Variants in PRR19 observed in about 807,000 individuals in gnomAD.
PRR19 encodes proline rich 19, also known as proline-rich protein 19.
In PRR19, 9 loss-of-function variants were observed where a neutral mutation model predicts 19.2. The ratio of observed to expected loss-of-function variants is 0.47; its 90% confidence interval spans 0.28 to 0.82. PRR19 has a LOEUF of 0.82. PRR19 is among the 40% of genes least tolerant of loss of function. The probability of loss-of-function intolerance (pLI) is 0.11; values close to 1 mark genes in which losing one functional copy is unlikely to be tolerated. For synonymous variants in PRR19, 190 were observed against 191.0 expected, an observed-to-expected ratio of 0.99 and a Z score of 0.04; for missense variants, 457 against 466.0, an observed-to-expected ratio of 0.98 and a Z score of 0.18.
chr19:42,306,910 C>G (rs1386521473), intron 1 of PRR19: 2 of 152,234 alleles, frequency 1.3e-5, no homozygotes, highest in Non-Finnish European at 2.9e-5. Context: ...CTCAGAGCCA[C>G]GAAGCCAAAG....
Position 42,310,658 on chromosome 19 carries a change from C to A in PRR19, c.989C>A (p.Pro330His), listed in dbSNP as rs757757804. 1.2e-6 allele frequency: 2 copies of A among 1,611,310 alleles called. No homozygotes were observed. The highest frequency in any genetic ancestry group is 8.5e-7 in the Non-Finnish European group (1 of 1,178,572). ...TSVLDWSPSP[P>H]SPLPSLSWVV... The stretch of plus-strand genomic sequence containing the variant: ...GTCCTGGACTGGAGCCCCAGCCCCC[C>A]TTCCCCACTGCCCAGCCTCTCCTGG... The change falls in exon 3 of 3, where the codon CCT becomes CAT. Residue 330 changes from proline to histidine, a missense_variant. Coordinates refer to ENST00000341747, the MANE Select transcript of PRR19 (RefSeq NM_199285.3).
intron 1 of PRR19, among the ~76,000 whole-genome samples, chr19:42,307,332 T>C (rs967086918): frequency 3.3e-5 from 5 of 152,134 alleles, no homozygotes; most frequent in African/African-American, 1.2e-4. Context: ...CATTCCCCTG[T>C]ACCTCGTCTA....
intron 1 of PRR19, among the ~76,000 whole-genome samples, chr19:42,307,718 AGCCACT>A (rs1371689215): frequency 7.4e-6 from 1 of 135,014 alleles, no homozygotes; most frequent in Non-Finnish European, 1.6e-5. Flanking sequence ...TACAGGCGTG[AGCCACT>A]GCGCCTGGCC....
chr19:42,304,618 C>T (rs575020836), intron 1 of PRR19, among the ~76,000 whole-genome samples: 1 of 150,818 alleles, frequency 6.6e-6, no homozygotes, highest in East Asian at 2.0e-4. Context: ...GGCGTGGTGG[C>T]AGGCGCCTGT....
At position 42,310,069 on chromosome 19, in the gene PRR19, C is replaced by A. The variant is rs2038770497; in HGVS notation, c.485C>A (p.Pro162His). The A allele has an allele frequency of 1.9e-6, 3 of 1,613,984 alleles. No individual in the cohort carries two copies. The highest frequency in any genetic ancestry group is 3.3e-5 in the Admixed American group (2 of 60,016). The change falls in exon 2 of 3, where the codon CCC becomes CAC. Residue 162 changes from proline (P) to histidine (H), a missense_variant. By Grantham distance (77) the Pro-to-His change is moderately conservative (BLOSUM62 -2). Coordinates refer to ENST00000341747, the MANE Select transcript of PRR19 (RefSeq NM_199285.3). Reference sequence around the variant, plus strand: ...CAGCTGAGTTTGCCACAGGCCTTCCCCCGGAGGAACCTGATTCAGGATGCC... The same window carrying A: ...CAGCTGAGTTTGCCACAGGCCTTCCACCGGAGGAACCTGATTCAGGATGCC... ...QCQLSLPQAFPRRNLIQDARD... is the reference protein window; with the variant it reads ...QCQLSLPQAFHRRNLIQDARD...
chr19:42,303,067 GTGTGTGTGTGTGT>G (rs2038665834), intron 1 of PRR19, among the ~76,000 whole-genome samples: 2 of 118,670 alleles, frequency 1.7e-5, no homozygotes, highest in Non-Finnish European at 1.7e-5. Context: ...CACCGTGGGT[GTGTGTGTGTGTGT>G]GTGTGTGTGT....
In PRR19 at chr19:42,310,709, C is replaced by T. The variant is rs1043253435; in HGVS notation, c.1040C>T (p.Ala347Val). 2.5e-6 allele frequency: 4 copies of T among 1,568,916 alleles called. No homozygotes were observed. The African/African-American group carries it at 4.1e-5, about 16-fold the overall frequency. ...GTAGTAGCCCAGAGCAGTCCGGAAG[C>T]CTGGTCTTTTCCACCCATGAGACTG... is the stretch of plus-strand genomic sequence containing the variant. ...SWVVAQSSPE[A>V]WSFPPMRLY Residue 347 changes from alanine (A) to valine (V), a missense_variant, in exon 3 of 3, where the codon GCC becomes GTC. By Grantham distance (64) the Ala-to-Val change is moderately conservative. Coordinates refer to ENST00000341747, the MANE Select transcript of PRR19 (RefSeq NM_199285.3).
chr19:42,302,620 G>A (rs907090222), intron 1 of PRR19, 117 bp downstream of exon 1: 36 of 376,232 alleles, frequency 9.6e-5, no homozygotes, highest in Middle Eastern at 1.5e-3. Flanking sequence ...GGTGGGGGGA[G>A]GGAGAGGCGA....
chr19:42,307,178 CCCTT>C (rs2038717770), intron 1 of PRR19: 2 of 152,430 alleles, frequency 1.3e-5, no homozygotes, highest in Non-Finnish European at 2.9e-5. Flanking sequence ...CTACCCTAGG[CCCTT>C]CCTTTGTGAT....
chr19:42,304,699 G>A (rs910550969), intron 1 of PRR19, among the ~76,000 whole-genome samples: 3 of 142,330 alleles, frequency 2.1e-5, no homozygotes, highest in African/African-American at 5.3e-5. Flanking sequence ...GCAGTGAGCC[G>A]AGATGGCACC....
chr19:42,309,718 C>T lies in PRR19; in HGVS notation c.134C>T (p.Pro45Leu). The T allele has an allele frequency of 6.2e-7, 1 of 1,606,314 alleles. No homozygotes were observed. Among genetic ancestry groups the T allele is most frequent in the South Asian group, 1.1e-5 (1 of 90,750 alleles). The change falls in exon 2 of 3, where the codon CCT (proline) becomes CTT (leucine). Residue 45 changes from proline to leucine, a missense_variant. Transcript: ENST00000341747. ...CGCCGGCCATTAGCCCACCACGATC[C>T]TCCTGTGGCCATTCGGGATCCACCT... Reference protein sequence around the residue: ...GSRRPLAHHDPPVAIRDPPVV... With the variant: ...GSRRPLAHHDLPVAIRDPPVV...
At chr19:42,304,986 T>C (rs2038693023) in intron 1 of PRR19, among the ~76,000 whole-genome samples, 1 of 151,790 alleles carries the variant, frequency 6.6e-6, no homozygotes, top group Admixed American at 6.6e-5. Flanking sequence ...GGTGGGCAGA[T>C]CACTTGGCGT....
chr19:42,310,712 G>T lies in PRR19; in HGVS notation c.1043G>T (p.Trp348Leu). 6.4e-7 allele frequency: 1 copy of T among 1,566,426 alleles called. No individual in the cohort carries two copies. Residue 348 changes from tryptophan to leucine, a missense_variant, in exon 3 of 3, where the codon TGG becomes TTG. Physicochemically the swap from Trp to Leu is moderately conservative, Grantham distance 61. Coordinates refer to ENST00000341747, the MANE Select transcript of PRR19 (RefSeq NM_199285.3). ...GTAGCCCAGAGCAGTCCGGAAGCCT[G>T]GTCTTTTCCACCCATGAGACTGTAC... ...WVVAQSSPEA[W>L]SFPPMRLY
chr19:42,307,274 C>T (rs1489323504), intron 1 of PRR19, among the ~76,000 whole-genome samples: 1 of 152,036 alleles, frequency 6.6e-6, no homozygotes, highest in Non-Finnish European at 1.5e-5. Context: ...TCTCTTGCTG[C>T]TCTCCCTCTC....
chr19:42,302,337 GCGAGTCGGGT>G lies in PRR19; in HGVS notation c.-170_-161del. ...TGGCGCCGCAGCTCCTGCAGGATGAGCGAGTCGGGTCGGCCCGGGAGTGTTCCGAACGGAG... is the reference window on the plus strand; with the variant it reads ...TGGCGCCGCAGCTCCTGCAGGATGAGCGGCCCGGGAGTGTTCCGAACGGAG... On this transcript the variant is annotated 5_prime_UTR_variant, in exon 1 of 3. The change abolishes the stop of an existing upstream ORF in the 5' untranslated region. Transcript: ENST00000341747. The G allele has an allele frequency of 6.4e-7, 1 of 1,573,318 alleles. No homozygotes were observed. Among genetic ancestry groups the G allele is most frequent in the Non-Finnish European group, 8.6e-7 (1 of 1,161,590 alleles).
intron 1 of PRR19, among the ~76,000 whole-genome samples, chr19:42,302,939 G>A (rs1182702694): frequency 1.3e-5 from 2 of 151,292 alleles, no homozygotes; most frequent in African/African-American, 4.9e-5. Context: ...CTGATGTGGG[G>A]GACAGAAAAG....
chr19:42,310,575 G>C lies in PRR19; in HGVS notation c.906G>C (p.Gly302=). The C allele has an allele frequency of 6.2e-7, 1 of 1,613,942 alleles. No homozygotes were observed. Among genetic ancestry groups the C allele is most frequent in the East Asian group, 2.2e-5 (1 of 44,888 alleles). The change falls in exon 3 of 3, where the codon GGG becomes GGC. Residue 302 remains glycine (G), a synonymous_variant. Coordinates refer to ENST00000341747, the MANE Select transcript of PRR19 (RefSeq NM_199285.3). ...VATPPPPRPW[G]VGLPQPLPQP... The stretch of plus-strand genomic sequence containing the variant: ...CGCCACCCCCTCCTCGGCCCTGGGG[G>C]GTTGGCCTCCCTCAGCCCCTGCCTC...
Position 42,302,337 on chromosome 19 carries a change from G to A in PRR19, c.-173G>A, listed in dbSNP as rs753341208. 14 of 1,573,318 alleles carry A rather than the reference G, an allele frequency of 8.9e-6. No individual in the cohort carries two copies. The South Asian group carries it at 1.4e-4, about 16-fold the overall frequency. Reference sequence around the variant, plus strand: ...TGGCGCCGCAGCTCCTGCAGGATGAGCGAGTCGGGTCGGCCCGGGAGTGTT... The same window carrying A: ...TGGCGCCGCAGCTCCTGCAGGATGAACGAGTCGGGTCGGCCCGGGAGTGTT... On this transcript the variant is annotated 5_prime_UTR_variant, in exon 1 of 3. Transcript: ENST00000341747.
intron 1 of PRR19, chr19:42,309,365 CG>C (rs1374545781): frequency 2.4e-6 from 1 of 415,862 alleles, no homozygotes; most frequent in African/African-American, 2.0e-5. Flanking sequence ...TGGGCCACTG[CG>C]GCTGGCCAAT....
Sources: gnomAD v4.1 joint callset for allele counts (sites outside exome capture counted in the v4.1 genomes callset) on GRCh38, gnomAD v4.1.1 for gene constraint, MANE v1.5 for transcripts, NCBI Gene and HGNC (gene_info 2026-07-23, HGNC 2026-07-21) for gene names.